Variants in EXD3 observed in about 807,000 individuals in gnomAD.
EXD3 encodes the protein exonuclease 3'-5' domain containing 3, also known as exonuclease mut-7 homolog.
A neutral mutation model predicts 98.0 loss-of-function variants in EXD3; 92 were observed. That is an observed-to-expected ratio of 0.94 (90% CI 0.79 to 1.12). The LOEUF is 1.12. Among genes scored for constraint, EXD3 ranks in the 50% most tolerant of loss-of-function variants. The probability of loss-of-function intolerance (pLI) is 0.00; values close to 1 mark genes in which losing one functional copy is unlikely to be tolerated. For missense variants in EXD3, 1,222 were observed against 1,191.6 expected (o/e 1.03, Z -0.38); for synonymous variants, 569 against 526.0 (o/e 1.08, Z -1.12).
chr9:137,307,192 G>C lies in EXD3; in HGVS notation c.2389C>G (p.Leu797Val). Reference protein sequence around the residue: ...RPCRWLQMADLRAETPDMLAD... With the variant: ...RPCRWLQMADVRAETPDMLAD... ...AGCATGTCCGGTGTCTCCGCCCGCA[G>C]GTCAGCCATCTGCAGCCAGCGGCAG... The change falls in exon 22 of 22, where the codon CTG becomes GTG. Residue 797 changes from leucine (L) to valine (V), a missense_variant. Leu to Val is a conservative substitution (Grantham distance 32). Coordinates refer to ENST00000340951, the MANE Select transcript of EXD3 (RefSeq NM_017820.5). The C allele has an allele frequency of 6.3e-7, 1 of 1,585,632 alleles. No individual in the cohort carries two copies. Among genetic ancestry groups the C allele is most frequent in the Non-Finnish European group, 8.6e-7 (1 of 1,167,214 alleles).
chr9:137,318,334 TC>T (rs1207917637), intron 19 of EXD3, among the ~76,000 whole-genome samples: 2 of 151,210 alleles, frequency 1.3e-5, no homozygotes, highest in Admixed American at 6.6e-5. Flanking sequence ...CCCCCCCTCG[TC>T]CCCCCCATAA....
chr9:137,307,230 G>A lies in EXD3; in HGVS notation c.2351C>T (p.Thr784Ile), dbSNP rs1157785845. 1 of 1,567,458 alleles carries A rather than the reference G, an allele frequency of 6.4e-7. No individual in the cohort carries two copies. Among genetic ancestry groups the A allele is most frequent in the Non-Finnish European group, 8.6e-7 (1 of 1,156,818 alleles). Residue 784 changes from threonine (T) to isoleucine (I), a missense_variant, in exon 22 of 22, where the codon ACC (threonine) becomes ATC (isoleucine). Physicochemically the swap from Thr to Ile is moderately conservative, Grantham distance 89. Coordinates refer to ENST00000340951, the MANE Select transcript of EXD3 (RefSeq NM_017820.5). Reference protein sequence around the residue: ...PAPDAAPEGCTYDRPCRWLQM... With the variant: ...PAPDAAPEGCIYDRPCRWLQM... ...CAGCCAGCGGCAGGGGCGGTCATAG[G>A]TGCAGCCCTCAGGGGCTGCGTCTGG... is the stretch of plus-strand genomic sequence containing the variant.
chr9:137,319,514 C>G (rs1831909094), intron 19 of EXD3, among the ~76,000 whole-genome samples: 1 of 152,198 alleles, frequency 6.6e-6, no homozygotes, highest in Non-Finnish European at 1.5e-5. Flanking sequence ...TGCAGTGCTG[C>G]TGGAGTGGGT....
intron 17 of EXD3, among the ~76,000 whole-genome samples, chr9:137,326,685 A>G (rs1832420613): frequency 6.6e-6 from 1 of 151,728 alleles, no homozygotes; most frequent in African/African-American, 2.4e-5. Context: ...GGTGGCCTTT[A>G]TAAAAAAAAA....
chr9:137,339,298 G>A (rs924141847), intron 17 of EXD3, among the ~76,000 whole-genome samples: 1 of 151,880 alleles, frequency 6.6e-6, no homozygotes, highest in Admixed American at 6.6e-5. Flanking sequence ...TATTTATGAG[G>A]CCAGAAAAAA....
In EXD3 at chr9:137,349,106, C is replaced by T; in HGVS notation, c.1830+4G>A. ...ACAAACGGACCCTGCGGGGCTTCACCCACCTGCCTGGGTGCGGCCGGTGCT... is the reference window on the plus strand; with the variant it reads ...ACAAACGGACCCTGCGGGGCTTCACTCACCTGCCTGGGTGCGGCCGGTGCT... On this transcript the variant is annotated splice_donor_region_variant and intron_variant, in intron 16 of 21. Transcript: ENST00000340951. The surrounding 1 kb of genome is among the most constrained non-coding windows in gnomAD (Gnocchi z 7.4). The T allele has an allele frequency of 6.3e-7, 1 of 1,590,554 alleles. No individual in the cohort carries two copies. The highest frequency in any genetic ancestry group is 8.5e-7 in the Non-Finnish European group (1 of 1,174,008).
intron 5 of EXD3, 47 bp from the exon 6 acceptor site, chr9:137,368,036 A>G: frequency 2.6e-6 from 4 of 1,541,228 alleles, no homozygotes; most frequent in Non-Finnish European, 3.5e-6. Flanking sequence ...GGGAGGGGCC[A>G]GGCAGCACGG....
intron 7 of EXD3, among the ~76,000 whole-genome samples, chr9:137,364,148 G>T (rs890155314): frequency 6.6e-6 from 1 of 152,034 alleles, no homozygotes; most frequent in African/African-American, 2.4e-5. Flanking sequence ...AAAAGTCAAG[G>T]TGTTCTACTC....
At chr9:137,326,216 A>G (rs1032066007) in intron 17 of EXD3, among the ~76,000 whole-genome samples, 1 of 152,204 alleles carries the variant, frequency 6.6e-6, no homozygotes, top group Non-Finnish European at 1.5e-5. Context: ...CCCTCATTAC[A>G]GTGAAATGTA....
intron 16 of EXD3, among the ~76,000 whole-genome samples, chr9:137,348,536 A>G (rs1405584168): frequency 8.9e-6 from 1 of 112,014 alleles, no homozygotes; most frequent in African/African-American, 3.6e-5. Context: ...GGTGGGGATC[A>G]CAAGGAGGGG....
chr9:137,382,201 G>C (rs1342884237), intron 3 of EXD3, among the ~76,000 whole-genome samples: 1 of 151,974 alleles, frequency 6.6e-6, no homozygotes, highest in African/African-American at 2.4e-5. Context: ...GAGGAGGTGA[G>C]GGCACAGACA....
chr9:137,337,830 C>A (rs1213814778), intron 17 of EXD3, among the ~76,000 whole-genome samples: 1 of 150,914 alleles, frequency 6.6e-6, no homozygotes, highest in Non-Finnish European at 1.5e-5. Flanking sequence ...CTCTGTTGCC[C>A]AGGCTGGAGT....
intron 17 of EXD3, among the ~76,000 whole-genome samples, chr9:137,326,389 G>A (rs991268105): frequency 2.6e-4 from 39 of 152,130 alleles, no homozygotes; most frequent in African/African-American, 6.5e-4. Flanking sequence ...GGCAGGGCAC[G>A]GTGCCTTACG....
intron 1 of EXD3, among the ~76,000 whole-genome samples, chr9:137,421,647 G>A (rs556320930): frequency 7.2e-5 from 11 of 152,138 alleles, no homozygotes; most frequent in African/African-American, 2.7e-4. Context: ...GACTAGCCTG[G>A]GCAAGGTGTC....
In EXD3 at chr9:137,372,766, C is replaced by T. The variant is rs930987558; in HGVS notation, c.462+139G>A. On this transcript the variant is annotated intron_variant, in intron 5 of 21. Coordinates refer to ENST00000340951, the MANE Select transcript of EXD3 (RefSeq NM_017820.5). Reference sequence around the variant, plus strand: ...CCCGCACACAGCTGATGGCTGCCCACGGCCGGGTCCTTGATACCTCCATGT... The same window carrying T: ...CCCGCACACAGCTGATGGCTGCCCATGGCCGGGTCCTTGATACCTCCATGT... The T allele has an allele frequency of 5.8e-5, 51 of 885,654 alleles. 1 individual carries two copies. The highest frequency in any genetic ancestry group is 2.2e-4 in the Admixed American group (8 of 36,292). The allele number at this position is 885,654 out of a possible 1,614,324, so 54.9% of individuals were successfully genotyped here.
intron 7 of EXD3, among the ~76,000 whole-genome samples, chr9:137,361,928 C>T (rs1835014954): frequency 6.6e-6 from 1 of 152,008 alleles, no homozygotes; most frequent in African/African-American, 2.4e-5. Flanking sequence ...AGATAATAAA[C>T]ATATAACAGG....
At chr9:137,336,158 A>C (rs1028982822) in intron 17 of EXD3, among the ~76,000 whole-genome samples, 4 of 152,178 alleles carry the variant, frequency 2.6e-5, no homozygotes, top group African/African-American at 9.7e-5. Context: ...CAGGAGGAGG[A>C]GTAAGGGATA....
intron 17 of EXD3, among the ~76,000 whole-genome samples, chr9:137,338,035 C>T (rs1407679363): frequency 5.3e-5 from 8 of 152,148 alleles, no homozygotes; most frequent in African/African-American, 1.7e-4. Context: ...GATCTGCCCG[C>T]CTCGGCCTCC....
intron 17 of EXD3, among the ~76,000 whole-genome samples, chr9:137,332,085 T>C (rs1833094126): frequency 6.6e-6 from 1 of 152,066 alleles, no homozygotes; most frequent in Non-Finnish European, 1.5e-5. Context: ...AAAGAAATCA[T>C]GAATGACGCA....
Sources: gnomAD v4.1 joint callset for allele counts (sites outside exome capture counted in the v4.1 genomes callset) on GRCh38, gnomAD v4.1.1 for gene constraint, Gnocchi (gnomAD v3.1) non-coding constraint, MANE v1.5 for transcripts, NCBI Gene and HGNC (gene_info 2026-07-23, HGNC 2026-07-21) for gene names.